Variants in NUDT3 observed in about 807,000 individuals in gnomAD.
NUDT3 encodes nudix hydrolase 3.
Under a neutral mutation model 23.6 loss-of-function variants are expected in NUDT3, and 9 were observed. The observed-to-expected ratio is 0.38, with a 90% confidence interval of 0.23 to 0.66. The LOEUF (loss-of-function observed/expected upper bound fraction) is 0.66. Ranked by LOEUF, NUDT3 falls within the 30% of genes least tolerant of loss-of-function variation. The pLI is 0.52. For missense variants in NUDT3, 172 were observed against 218.5 expected (o/e 0.79, Z 1.34); for synonymous variants, 86 against 82.6 (o/e 1.04, Z -0.22).
At chr6:34,315,133 C>CT (rs1192134805) in intron 2 of NUDT3, among the ~76,000 whole-genome samples, 1 of 152,154 alleles carries the variant, frequency 6.6e-6, no homozygotes, top group East Asian at 1.9e-4. Flanking sequence ...TTTAGACTAC[C>CT]TGAAAAATCC....
At chr6:34,340,778 A>G (rs1764275665) in intron 2 of NUDT3, among the ~76,000 whole-genome samples, 1 of 152,350 alleles carries the variant, frequency 6.6e-6, no homozygotes, top group Non-Finnish European at 1.5e-5. Context: ...CTAGGCATGG[A>G]AAGTAAGGAT....
chr6:34,372,399 G>A lies in NUDT3; in HGVS notation c.99+19865C>T, dbSNP rs186218266. ...TTCCTATTTCTCCACATCCTCTCCA[G>A]CACCTGTTGTTTCCTGACTTTTTAA... On this transcript the variant is annotated intron_variant, in intron 1 of 4. Coordinates refer to ENST00000607016, the MANE Select transcript of NUDT3 (RefSeq NM_006703.4). Among the ~76,000 whole-genome samples the A allele has an allele frequency of 4.4e-3, 664 of 152,158 alleles. 2 individuals carry two copies. The highest frequency in any genetic ancestry group is 0.015 in the African/African-American group (630 of 41,522).
intron 2 of NUDT3, among the ~76,000 whole-genome samples, chr6:34,330,080 T>C (rs1013170425): frequency 2.0e-5 from 3 of 152,234 alleles, no homozygotes; most frequent in African/African-American, 7.2e-5. Flanking sequence ...TCCAAGTCTT[T>C]GCTATTGTGA....
chr6:34,391,647 T>C (rs1272905773), intron 1 of NUDT3, among the ~76,000 whole-genome samples: 1 of 152,188 alleles, frequency 6.6e-6, no homozygotes, highest in African/African-American at 2.4e-5. Flanking sequence ...ATATCAAATG[T>C]CTTTTCTTCT....
chr6:34,340,099 C>CTGTG (rs1764266627), intron 2 of NUDT3, among the ~76,000 whole-genome samples: 1 of 152,100 alleles, frequency 6.6e-6, no homozygotes, highest in Admixed American at 6.6e-5. Context: ...TGAGGTGAAA[C>CTGTG]TGTGTGTCCT....
At chr6:34,297,754 T>C (rs1763532694) in intron 2 of NUDT3, among the ~76,000 whole-genome samples, 1 of 97,680 alleles carries the variant, frequency 1.0e-5, no homozygotes, top group Non-Finnish European at 1.9e-5. Context: ...TATATATATA[T>C]ATATAATTTT....
At chr6:34,376,271 G>A (rs971407663) in intron 1 of NUDT3, among the ~76,000 whole-genome samples, 2 of 151,674 alleles carry the variant, frequency 1.3e-5, no homozygotes, top group South Asian at 2.1e-4. Context: ...TCTTGAGACA[G>A]GGTCTCACTC....
At chr6:34,379,559 C>CA (rs375414799) in intron 1 of NUDT3, among the ~76,000 whole-genome samples, 1,574 of 143,208 alleles carry the variant, frequency 0.011, 18 homozygotes, top group Middle Eastern at 0.025. Flanking sequence ...GACTCCATCT[C>CA]AAAAAAAAAA....
At position 34,284,542 on chromosome 6, in the gene NUDT3, T is replaced by G. The variant is rs1412676590; in HGVS notation, c.*4211A>C. The G allele has an allele frequency of 6.6e-6, 1 of 151,840 alleles. No individual in the cohort carries two copies. Among genetic ancestry groups the G allele is most frequent in the African/African-American group, 2.4e-5 (1 of 41,330 alleles). 9.4% of individuals were successfully genotyped at this position (151,840 alleles called of 1,614,324 possible). A position where few individuals can be genotyped will look rare whatever the true frequency, so the allele number is the denominator to read the frequency against. ...GGCTTAGGCTAAGCTGTTTTTTTTT[T>G]TTTTTTTTTAAAGATGAGGATGCGG... is the stretch of plus-strand genomic sequence containing the variant. On this transcript the variant is annotated 3_prime_UTR_variant, in exon 5 of 5. Coordinates refer to ENST00000607016, the MANE Select transcript of NUDT3 (RefSeq NM_006703.4).
intron 1 of NUDT3, among the ~76,000 whole-genome samples, chr6:34,368,179 C>T (rs1475700456): frequency 1.3e-5 from 2 of 152,140 alleles, no homozygotes; most frequent in East Asian, 1.9e-4. Flanking sequence ...CCAGCCTGGG[C>T]GACAGAGCGA....
intron 2 of NUDT3, among the ~76,000 whole-genome samples, chr6:34,304,156 AG>A (rs1389428385): frequency 1.3e-5 from 2 of 151,462 alleles, no homozygotes; most frequent in African/African-American, 2.4e-5. Flanking sequence ...GGGAGGCTGA[AG>A]GAGGAGAACC....
intron 1 of NUDT3, among the ~76,000 whole-genome samples, chr6:34,358,284 CA>C (rs1169332401): frequency 6.6e-6 from 1 of 151,966 alleles, no homozygotes; most frequent in Non-Finnish European, 1.5e-5. Context: ...CACACACACA[CA>C]CACACACCCC....
chr6:34,384,757 C>T (rs575172817), intron 1 of NUDT3, among the ~76,000 whole-genome samples: 204 of 152,208 alleles, frequency 1.3e-3, no homozygotes, highest in Non-Finnish European at 2.3e-3. Context: ...GTAGGTTGGG[C>T]GTGGTGTCTC....
At chr6:34,338,708 G>C (rs1233318296) in intron 2 of NUDT3, among the ~76,000 whole-genome samples, 1 of 152,210 alleles carries the variant, frequency 6.6e-6, no homozygotes, top group Non-Finnish European at 1.5e-5. Flanking sequence ...CTGTAGATCA[G>C]ACAGCTCTCT....
intron 1 of NUDT3, among the ~76,000 whole-genome samples, chr6:34,357,626 CAA>C (rs34996824): frequency 9.8e-5 from 12 of 122,690 alleles, no homozygotes; most frequent in East Asian, 2.1e-4. Context: ...CTGCACCCTG[CAA>C]AAAAAAAAAA....
Position 34,368,329 on chromosome 6 carries a change from C to G in NUDT3, c.99+23935G>C, listed in dbSNP as rs78892629. 8.5e-5 allele frequency among the ~76,000 whole-genome samples: 13 copies of G among 152,274 alleles called. No homozygotes were observed. The East Asian group carries it at 2.3e-3, about 27-fold the overall frequency. ...CTTCTTCCCTACCAAGTAGCTGGAGCCTGAGAAGGCCTATCTCTTTACAAG... is the reference window on the plus strand; with the variant it reads ...CTTCTTCCCTACCAAGTAGCTGGAGGCTGAGAAGGCCTATCTCTTTACAAG... On this transcript the variant is annotated intron_variant, in intron 1 of 4. Transcript: ENST00000607016.
At chr6:34,389,534 T>C (rs1432201212) in intron 1 of NUDT3, among the ~76,000 whole-genome samples, 2 of 152,314 alleles carry the variant, frequency 1.3e-5, no homozygotes, top group East Asian at 1.9e-4. Flanking sequence ...GGCTTGTGCA[T>C]GTAGTCCCAG....
At chr6:34,298,010 C>T (rs1257500157) in intron 2 of NUDT3, among the ~76,000 whole-genome samples, 1 of 151,820 alleles carries the variant, frequency 6.6e-6, no homozygotes, top group African/African-American at 2.4e-5. Context: ...ATGAAACAAT[C>T]TCCAAACTTT....
At chr6:34,326,928 G>A (rs113650206) in intron 2 of NUDT3, among the ~76,000 whole-genome samples, 1 of 152,096 alleles carries the variant, frequency 6.6e-6, no homozygotes, top group South Asian at 2.1e-4. Flanking sequence ...TGTTCTCCCC[G>A]TGTGTGGAGA....
Sources: gnomAD v4.1 joint callset for allele counts (sites outside exome capture counted in the v4.1 genomes callset) on GRCh38, gnomAD v4.1.1 for gene constraint, MANE v1.5 for transcripts, NCBI Gene and HGNC (gene_info 2026-07-23, HGNC 2026-07-21) for gene names.